Variants in KCNK2 observed in about 807,000 individuals in gnomAD.
The protein encoded by KCNK2 is potassium two pore domain channel subfamily K member 2.
A neutral mutation model predicts 40.5 loss-of-function variants in KCNK2; 21 were observed. That is an observed-to-expected ratio of 0.52 (90% CI 0.37 to 0.75). The LOEUF is 0.75. KCNK2 is among the 30% of genes least tolerant of loss of function. The probability of loss-of-function intolerance (pLI) is 0.00; values close to 1 mark genes in which losing one functional copy is unlikely to be tolerated. For missense variants in KCNK2, 399 were observed against 531.6 expected (o/e 0.75, Z 2.45); for synonymous variants, 191 against 202.2 (o/e 0.94, Z 0.47).
At chr1:215,094,318 G>A (rs547150076) in intron 2 of KCNK2, among the ~76,000 whole-genome samples, 2 of 151,770 alleles carry the variant, frequency 1.3e-5, no homozygotes, top group South Asian at 2.1e-4. Context: ...CTGTCCTTTC[G>A]GTTAATCTCT....
At chr1:215,176,274 T>C (rs1663966263) in intron 5 of KCNK2, among the ~76,000 whole-genome samples, 1 of 152,176 alleles carries the variant, frequency 6.6e-6, no homozygotes, top group African/African-American at 2.4e-5. Context: ...TATATGTTTG[T>C]TAGAAACTTG....
At chr1:215,209,451 T>C (rs1448032268) in intron 6 of KCNK2, among the ~76,000 whole-genome samples, 1 of 18,158 alleles carries the variant, frequency 5.5e-5, no homozygotes, top group African/African-American at 1.9e-4. Context: ...ATATAATATA[T>C]ATTATATATT....
intron 1 of KCNK2, among the ~76,000 whole-genome samples, chr1:215,039,888 G>A (rs775234964): frequency 9.2e-5 from 14 of 152,056 alleles, no homozygotes; most frequent in Admixed American, 5.2e-4. Context: ...TTTTCCTATC[G>A]TTGTTTGTTG....
At chr1:215,067,201 G>A (rs1016605789) in intron 1 of KCNK2, among the ~76,000 whole-genome samples, 5 of 151,868 alleles carry the variant, frequency 3.3e-5, no homozygotes, top group African/African-American at 1.2e-4. Context: ...GTTCTTTTTT[G>A]TACTTTGAAA....
chr1:215,005,898 G>A (rs978313885), exon 1 of KCNK2: 1 of 1,610,792 alleles, frequency 6.2e-7, no homozygotes, highest in Non-Finnish European at 8.5e-7. Context: ...AAAGCATGAT[G>A]ACTCCTGATG....
chr1:215,169,134 CA>C, intron 3 of KCNK2, 64 bp from the exon 4 acceptor site: 18 of 1,322,026 alleles, frequency 1.4e-5, no homozygotes, highest in Non-Finnish European at 1.9e-5. Flanking sequence ...GTTTCTGAAT[CA>C]ATCTTGAGTT....
At chr1:215,010,712 T>TTGGCTTTCAAGAG (rs1181860434) in intron 1 of KCNK2, among the ~76,000 whole-genome samples, 15 of 152,198 alleles carry the variant, frequency 9.9e-5, no homozygotes, top group Non-Finnish European at 1.9e-4. Flanking sequence ...TTTTCATACC[T>TTGGCTTTCAAGAG]TGGCTTTCAA....
rs193003763 is a variant in KCNK2 at position 215,013,166 on chromosome 1, T to C, written c.34+7211T>C. On this transcript the variant is annotated intron_variant, in intron 1 of 6. Coordinates refer to the KCNK2 transcript ENST00000391895. ...CTTCAAGTTAATTTTGTATAAGATA[T>C]GAGGTGTGGGTCAAGGTATGTATTT... Among the ~76,000 whole-genome samples, 532 of 152,302 alleles carry C rather than the reference T, an allele frequency of 3.5e-3. 3 individuals are homozygous for C. The highest frequency in any genetic ancestry group is 0.012 in the African/African-American group (519 of 41,576).
intron 1 of KCNK2, among the ~76,000 whole-genome samples, chr1:215,076,382 T>C (rs776003135): frequency 9.9e-5 from 15 of 152,136 alleles, no homozygotes; most frequent in Non-Finnish European, 2.1e-4. Context: ...ACTTGTGTGG[T>C]TTTGGCTCAG....
At chr1:215,163,352 C>T (rs942746000) in intron 3 of KCNK2, among the ~76,000 whole-genome samples, 9 of 152,124 alleles carry the variant, frequency 5.9e-5, no homozygotes, top group Admixed American at 3.3e-4. Flanking sequence ...TATACAATCA[C>T]GTGATCTGCA....
intron 5 of KCNK2, among the ~76,000 whole-genome samples, chr1:215,185,500 A>G (rs1020938584): frequency 1.3e-5 from 2 of 152,200 alleles, no homozygotes; most frequent in African/African-American, 4.8e-5. Context: ...AGGATCTTGG[A>G]AAAGAATTGC....
intron 1 of KCNK2, among the ~76,000 whole-genome samples, chr1:215,056,417 G>C (rs1658165545): frequency 7.3e-6 from 1 of 137,154 alleles, no homozygotes; most frequent in Non-Finnish European, 1.5e-5. Flanking sequence ...GTACCTTGTT[G>C]TATACATAAA....
At chr1:215,221,959 T>C (rs1386898073) in intron 6 of KCNK2, among the ~76,000 whole-genome samples, 1 of 152,202 alleles carries the variant, frequency 6.6e-6, no homozygotes, top group Non-Finnish European at 1.5e-5. Context: ...AAGCATCTGC[T>C]TCTGGGGAGG....
At position 215,059,658 on chromosome 1, in the gene KCNK2, G is replaced by T. The variant is rs1465717984; in HGVS notation, c.35-26710G>T. Among the ~76,000 whole-genome samples the T allele has an allele frequency of 2.0e-5, 3 of 152,078 alleles. No homozygotes were observed. In the East Asian group the frequency reaches 5.8e-4, roughly 29 times the overall value. Reference sequence around the variant, plus strand: ...TAAAATTCTATAGCTCCCATTTAATGGTTCAAAAGGCCTGGCCCAACTAGA... The same window carrying T: ...TAAAATTCTATAGCTCCCATTTAATTGTTCAAAAGGCCTGGCCCAACTAGA... On this transcript the variant is annotated intron_variant, in intron 1 of 6. Coordinates refer to the KCNK2 transcript ENST00000391895.
chr1:215,086,782 G>A, intron 2 of KCNK2, 104 bp downstream of exon 2: 2 of 1,003,558 alleles, frequency 2.0e-6, no homozygotes, highest in Non-Finnish European at 3.0e-6. Context: ...GCTGGTGGGA[G>A]CCCTATCCCA....
At chr1:215,215,569 T>C (rs994859201) in intron 6 of KCNK2, among the ~76,000 whole-genome samples, 2 of 152,148 alleles carry the variant, frequency 1.3e-5, no homozygotes, top group African/African-American at 4.8e-5. Context: ...TCATGGAATA[T>C]AAGTAGATGC....
At chr1:215,049,310 T>A (rs1447910352) in intron 1 of KCNK2, among the ~76,000 whole-genome samples, 1 of 152,206 alleles carries the variant, frequency 6.6e-6, no homozygotes, top group African/African-American at 2.4e-5. Context: ...TTCAGTGAAA[T>A]GTGTTTTTCC....
intron 2 of KCNK2, among the ~76,000 whole-genome samples, chr1:215,092,656 A>G (rs1400248813): frequency 1.3e-5 from 2 of 152,146 alleles, no homozygotes; most frequent in Non-Finnish European, 2.9e-5. Context: ...TTGGAACCAA[A>G]TAGCCTAAAA....
At chr1:215,026,580 C>T (rs1657009607) in intron 1 of KCNK2, among the ~76,000 whole-genome samples, 1 of 151,948 alleles carries the variant, frequency 6.6e-6, no homozygotes, top group Non-Finnish European at 1.5e-5. Flanking sequence ...TCTGTCTTTT[C>T]TGGATTCTCT....
Sources: allele counts gnomAD v4.1 joint callset (sites outside exome capture counted in the v4.1 genomes callset), GRCh38; gene constraint gnomAD v4.1.1; transcripts MANE v1.5; gene names NCBI Gene and HGNC (gene_info 2026-07-23, HGNC 2026-07-21).